The following PDE4B variants were observed in gnomAD, a reference collection of about 807,000 sequenced individuals.
PDE4B encodes 3',5'-cyclic-AMP phosphodiesterase 4B.
Under a neutral mutation model 82.2 loss-of-function variants are expected in PDE4B, and 20 were observed. The ratio of observed to expected loss-of-function variants is 0.24; its 90% CI spans 0.17 to 0.35. The LOEUF (loss-of-function observed/expected upper bound fraction) is 0.35. Among genes scored for constraint, PDE4B ranks in the 10% least tolerant of loss-of-function variants. PDE4B has a pLI of 1.00. For missense variants in PDE4B, 655 were observed against 907.2 expected, an observed-to-expected ratio of 0.72 and a Z score of 3.57; for synonymous variants, 320 against 318.9, an observed-to-expected ratio of 1.00 and a Z score of -0.04.
intron 7 of PDE4B, among the ~76,000 whole-genome samples, chr1:66,270,155 A>C (rs906813887): frequency 6.6e-5 from 10 of 152,238 alleles, no homozygotes; most frequent in African/African-American, 2.4e-4. Context: ...CTGGATATCC[A>C]TAGCCTTGAT....
At chr1:65,799,675 T>TG (rs1557753432) in intron 1 of PDE4B, among the ~76,000 whole-genome samples, 1 of 152,188 alleles carries the variant, frequency 6.6e-6, no homozygotes. Context: ...GGCCTGTGGA[T>TG]GGTGACAGTT....
intron 3 of PDE4B, among the ~76,000 whole-genome samples, chr1:65,948,579 G>A (rs973515303): frequency 1.3e-5 from 2 of 151,908 alleles, no homozygotes; most frequent in Non-Finnish European, 2.9e-5. Context: ...AATTAAGATT[G>A]GGTCAGCCTT....
intron 3 of PDE4B, among the ~76,000 whole-genome samples, chr1:66,174,445 C>T (rs1557610187): frequency 2.0e-5 from 3 of 152,054 alleles, no homozygotes; most frequent in Non-Finnish European, 4.4e-5. Context: ...CTATATTCAT[C>T]CATTCTCACA....
At chr1:66,319,277 T>C (rs1354822612) in intron 7 of PDE4B, among the ~76,000 whole-genome samples, 7 of 151,992 alleles carry the variant, frequency 4.6e-5, no homozygotes, top group Non-Finnish European at 8.8e-5. Flanking sequence ...ACCCAGCACC[T>C]TCACTCTCAA....
At chr1:65,987,362 A>G (rs1651008909) in intron 3 of PDE4B, among the ~76,000 whole-genome samples, 1 of 152,226 alleles carries the variant, frequency 6.6e-6, no homozygotes, top group Non-Finnish European at 1.5e-5. Flanking sequence ...ACATCATCTT[A>G]TAAAGATATC....
intron 3 of PDE4B, among the ~76,000 whole-genome samples, chr1:65,975,542 C>A (rs1351952324): frequency 6.6e-6 from 1 of 152,194 alleles, no homozygotes; most frequent in Non-Finnish European, 1.5e-5. Context: ...ATGATAATAG[C>A]CAAGACAATG....
At chr1:65,823,224 C>T (rs1380233861) in intron 1 of PDE4B, among the ~76,000 whole-genome samples, 2 of 151,524 alleles carry the variant, frequency 1.3e-5, no homozygotes, top group Non-Finnish European at 1.5e-5. Flanking sequence ...GGTGAAACCC[C>T]GTCTCTACTA....
At chr1:66,099,755 G>T (rs1422774308) in intron 3 of PDE4B, among the ~76,000 whole-genome samples, 1 of 152,072 alleles carries the variant, frequency 6.6e-6, no homozygotes, top group African/African-American at 2.4e-5. Context: ...TATATAAAAT[G>T]TTGAGGTGGG....
rs193144470 is a variant in PDE4B at position 66,358,441 on chromosome 1, G to A, written c.841+2821G>A. 2.1e-3 allele frequency among the ~76,000 whole-genome samples: 324 copies of A among 152,276 alleles called. 1 individual carries two copies. The highest frequency in any genetic ancestry group is 3.1e-3 in the Non-Finnish European group (214 of 68,018). ...TGTAATCCCAGCACGTTCAGAGGCC[G>A]AGATGGGCAGATCACCTGAGGTCAG... On this transcript the variant is annotated intron_variant, in intron 9 of 16. Transcript: ENST00000341517.
chr1:66,244,664 T>A (rs1653158836), intron 3 of PDE4B, among the ~76,000 whole-genome samples: 1 of 152,208 alleles, frequency 6.6e-6, no homozygotes, highest in Non-Finnish European at 1.5e-5. Context: ...TACATCTGTG[T>A]TGGTTGCTTT....
chr1:65,942,840 A>G (rs1001087513), intron 3 of PDE4B, among the ~76,000 whole-genome samples: 3 of 151,758 alleles, frequency 2.0e-5, no homozygotes, highest in African/African-American at 4.8e-5. Flanking sequence ...AGAAATGTCT[A>G]TTCAGATCTT....
intron 8 of PDE4B, among the ~76,000 whole-genome samples, chr1:66,341,803 G>A (rs1161061795): frequency 1.3e-5 from 2 of 152,120 alleles, no homozygotes; most frequent in Admixed American, 6.5e-5. Context: ...AGTTGAACGT[G>A]AGATGGTGAT....
chr1:66,091,778 C>T (rs1645031424), intron 3 of PDE4B, among the ~76,000 whole-genome samples: 1 of 152,002 alleles, frequency 6.6e-6, no homozygotes, highest in African/African-American at 2.4e-5. Context: ...TGGTGGAGGC[C>T]ATTAAATAAC....
intron 1 of PDE4B, among the ~76,000 whole-genome samples, chr1:65,830,012 T>A (rs1337927973): frequency 1.3e-5 from 2 of 152,130 alleles, no homozygotes; most frequent in African/African-American, 4.8e-5. Context: ...CAAGGGACTC[T>A]TAAGACATGG....
intron 3 of PDE4B, among the ~76,000 whole-genome samples, chr1:66,147,121 G>A (rs565521831): frequency 2.6e-5 from 4 of 152,258 alleles, no homozygotes; most frequent in South Asian, 4.1e-4. Flanking sequence ...TGGAAGAAAA[G>A]CAAAAATAAC....
At chr1:66,149,443 C>G (rs936230329) in intron 3 of PDE4B, among the ~76,000 whole-genome samples, 2 of 152,186 alleles carry the variant, frequency 1.3e-5, no homozygotes, top group African/African-American at 4.8e-5. Flanking sequence ...ATTTGTAGCA[C>G]ATTAATTTTG....
At chr1:66,146,633 G>C (rs770389511) in intron 3 of PDE4B, among the ~76,000 whole-genome samples, 1 of 152,118 alleles carries the variant, frequency 6.6e-6, no homozygotes, top group African/African-American at 2.4e-5. Flanking sequence ...AATGCACAGA[G>C]TCAGACCTCA....
chr1:66,363,335 A>G, intron 11 of PDE4B, 69 bp downstream of exon 11: 2 of 1,545,846 alleles, frequency 1.3e-6, no homozygotes, highest in Non-Finnish European at 1.8e-6. Flanking sequence ...TTTCCATCTT[A>G]CTTTTCTGAT....
At chr1:66,078,864 C>T (rs11208793) in intron 3 of PDE4B, among the ~76,000 whole-genome samples, 35,041 of 152,046 alleles carry the variant, frequency 0.23, 4,707 homozygotes, top group Middle Eastern at 0.37. Flanking sequence ...CATCAAAGAA[C>T]ACTCCTGTTC....
Sources: gnomAD v4.1 joint callset for allele counts (sites outside exome capture counted in the v4.1 genomes callset) on GRCh38, gnomAD v4.1.1 for gene constraint, MANE v1.5 for transcripts, NCBI Gene and HGNC (gene_info 2026-07-23, HGNC 2026-07-21) for gene names.